The following CELF2 variants were observed in gnomAD, a reference collection of about 807,000 sequenced individuals.
CELF2 encodes CUG triplet repeat RNA-binding protein 2.
CELF2 carries 8 observed loss-of-function variants against 62.6 expected under a neutral mutation model. The ratio of observed to expected loss-of-function variants is 0.13; its 90% CI spans 0.07 to 0.23. CELF2 has a LOEUF of 0.23. Ranked by LOEUF, CELF2 falls within the 10% of genes least tolerant of loss-of-function variation. The pLI, the probability that CELF2 is intolerant of heterozygous loss-of-function variation, is 1.00. For synonymous variants in CELF2, 258 were observed against 250.0 expected (o/e 1.03, Z -0.30); for missense variants, 333 against 671.0 (o/e 0.50, Z 5.56).
At chr10:11,195,681 G>A (rs1261575839) in intron 2 of CELF2, among the ~76,000 whole-genome samples, 1 of 152,312 alleles carries the variant, frequency 6.6e-6, no homozygotes, top group African/African-American at 2.4e-5. Context: ...CAAACCGTAC[G>A]CTTGCTGGAG....
chr10:10,565,718 A>G, the CELF2 span, among the ~76,000 whole-genome samples: 29 of 152,210 alleles, frequency 1.9e-4, no homozygotes, highest in Non-Finnish European at 3.4e-4. Context: ...CTTCCTTTTA[A>G]TAAGCACGGT....
chr10:10,924,109 ACT>A (rs2065192218), intron 2 of CELF2: 1 of 151,456 alleles, frequency 6.6e-6, no homozygotes, highest in Admixed American at 6.6e-5. Context: ...AGATATAAAC[ACT>A]CTCTACTAAA....
rs144757481 is a variant in CELF2, at chr10:11,050,128, G to A, written c.74+31965G>A. On this transcript the variant is annotated intron_variant, in intron 1 of 12. Coordinates refer to ENST00000633077, the MANE Select transcript of CELF2 (RefSeq NM_001326342.2). ...CTCCCTCTGGGTTTCCTGACAAACT[G>A]GCCTCCTGCTAAGGGCAGGGAACTG... Among the ~76,000 whole-genome samples, 31 of 152,282 alleles carry A rather than the reference G, an allele frequency of 2.0e-4. No homozygotes were observed. In the East Asian group the frequency reaches 5.6e-3, roughly 27 times the overall value.
the CELF2 span, among the ~76,000 whole-genome samples, chr10:10,659,864 T>C: frequency 6.6e-6 from 1 of 152,170 alleles, no homozygotes; most frequent in Non-Finnish European, 1.5e-5. Flanking sequence ...ATTAAGGATC[T>C]GGAGATGGGG....
At chr10:10,646,034 C>T in the CELF2 span, among the ~76,000 whole-genome samples, 2 of 152,304 alleles carry the variant, frequency 1.3e-5, no homozygotes, top group South Asian at 2.1e-4. Flanking sequence ...TGGGCTAGGA[C>T]ACTGGAGAAC....
rs1309693289 is a variant in CELF2 at position 11,075,756 on chromosome 10, C to G, written c.74+57593C>G. Among the ~76,000 whole-genome samples the G allele has an allele frequency of 6.6e-6, 1 of 151,898 alleles. No individual in the cohort carries two copies. Among genetic ancestry groups the G allele is most frequent in the Non-Finnish European group, 1.5e-5 (1 of 67,996 alleles). ...GCGTTCTTAGGAAGGAGGAGTGATT[C>G]CTGAAGGATCCAGGCAAGCAGGTGC... On this transcript the variant is annotated intron_variant, in intron 1 of 12. Transcript: ENST00000633077. This position sits in a 1 kb window ranked among gnomAD's most constrained non-coding sequence, Gnocchi z 5.4.
At chr10:10,469,811 T>A in the CELF2 span, among the ~76,000 whole-genome samples, 1 of 151,898 alleles carries the variant, frequency 6.6e-6, no homozygotes, top group Admixed American at 6.6e-5. Context: ...AATTAAATAC[T>A]CAATTTTATT....
the CELF2 span, among the ~76,000 whole-genome samples, chr10:10,489,426 T>C: frequency 6.6e-6 from 1 of 152,138 alleles, no homozygotes; most frequent in Non-Finnish European, 1.5e-5. Flanking sequence ...GTCAGCTCCG[T>C]CTAGTACTGA....
chr10:10,862,796 T>G (rs1477797415), intron 1 of CELF2, among the ~76,000 whole-genome samples: 1 of 152,238 alleles, frequency 6.6e-6, no homozygotes, highest in Non-Finnish European at 1.5e-5. Context: ...CTATGGAATA[T>G]CAGTAAAATT....
At chr10:10,694,969 T>C in the CELF2 span, among the ~76,000 whole-genome samples, 1 of 151,276 alleles carries the variant, frequency 6.6e-6, no homozygotes, top group Non-Finnish European at 1.5e-5. Context: ...TTTATCCAAT[T>C]TGCCAGTCTG....
intron 1 of CELF2, among the ~76,000 whole-genome samples, chr10:11,144,166 A>G (rs78757459): frequency 0.011 from 1,671 of 152,160 alleles, 27 homozygotes; most frequent in African/African-American, 0.038. Flanking sequence ...TTCGGAAGAC[A>G]TTTGCAGCTC....
intron 1 of CELF2, among the ~76,000 whole-genome samples, chr10:11,154,804 C>T (rs10905903): frequency 0.15 from 22,873 of 152,210 alleles, 3,119 homozygotes; most frequent in East Asian, 0.68. Flanking sequence ...AAAAAACAAA[C>T]TCCCAAAAGG....
At chr10:11,021,191 T>A (rs1269189258) in intron 1 of CELF2, among the ~76,000 whole-genome samples, 1 of 152,188 alleles carries the variant, frequency 6.6e-6, no homozygotes, top group African/African-American at 2.4e-5. Context: ...AAATGAGAAA[T>A]TACAGTTAGA....
intron 1 of CELF2, among the ~76,000 whole-genome samples, chr10:11,033,809 G>C (rs1309811960): frequency 1.3e-5 from 2 of 152,224 alleles, no homozygotes; most frequent in African/African-American, 4.8e-5. Flanking sequence ...TGTACAGTCT[G>C]TACAGCAGAT....
chr10:11,286,711 G>A (rs1162588775), intron 8 of CELF2, among the ~76,000 whole-genome samples: 1 of 152,208 alleles, frequency 6.6e-6, no homozygotes, highest in Non-Finnish European at 1.5e-5. Context: ...ACCAGAGAGT[G>A]CTTTCTTTTG....
the CELF2 span, among the ~76,000 whole-genome samples, chr10:10,740,659 T>C: frequency 2.0e-5 from 3 of 152,272 alleles, no homozygotes; most frequent in South Asian, 6.2e-4. Context: ...ATAGTCAAGA[T>C]GTGGAAACAA....
At chr10:11,142,390 A>ATGGGCTGGGC (rs374541254) in intron 1 of CELF2, among the ~76,000 whole-genome samples, 3 of 148,454 alleles carry the variant, frequency 2.0e-5, no homozygotes, top group South Asian at 4.2e-4. Flanking sequence ...TTAAAAGTGG[A>ATGGGCTGGGC]TGGGCTGGGC....
chr10:10,501,543 G>A, the CELF2 span, among the ~76,000 whole-genome samples: 1 of 152,090 alleles, frequency 6.6e-6, no homozygotes, highest in South Asian at 2.1e-4. Flanking sequence ...TATTTAAAGA[G>A]CTTTTTTAGC....
chr10:11,266,623 A>C lies in CELF2; in HGVS notation c.564A>C (p.Thr188=), dbSNP rs750861269. The change falls in exon 6 of 13, where the codon ACA becomes ACC. Residue 188 remains threonine (T), a synonymous_variant. Coordinates refer to ENST00000633077, the MANE Select transcript of CELF2 (RefSeq NM_001326342.2). ...GCTGTGCGTTTGTCACATTTTCTACAAGGGCAATGGCACAGAATGCAATCA... is the reference window on the plus strand; with the variant it reads ...GCTGTGCGTTTGTCACATTTTCTACCAGGGCAATGGCACAGAATGCAATCA... ...SRGCAFVTFS[T]RAMAQNAIKA... 1.4e-5 allele frequency: 23 copies of C among 1,613,882 alleles called. No homozygotes were observed. Among genetic ancestry groups the C allele is most frequent in the Non-Finnish European group, 1.8e-5 (21 of 1,179,918 alleles).
Sources: gnomAD v4.1 joint callset for allele counts (sites outside exome capture counted in the v4.1 genomes callset) on GRCh38, gnomAD v4.1.1 for gene constraint, Gnocchi (gnomAD v3.1) non-coding constraint, MANE v1.5 for transcripts, NCBI Gene and HGNC (gene_info 2026-07-23, HGNC 2026-07-21) for gene names.